ARHGAP35: variants seen among roughly 807,000 people sequenced by gnomAD.
The protein encoded by ARHGAP35 is Rho GTPase activating protein 35.
In ARHGAP35, 15 loss-of-function variants were observed where a neutral mutation model predicts 111.1. The observed-to-expected ratio is 0.13, with a 90% confidence interval of 0.09 to 0.21. ARHGAP35 has a LOEUF of 0.21. Among genes scored for constraint, ARHGAP35 ranks in the 10% least tolerant of loss-of-function variants. ARHGAP35 has a pLI of 1.00. For synonymous variants in ARHGAP35, 643 were observed against 710.3 expected (o/e 0.91, Z 1.51); for missense variants, 1,262 against 1,873.0 (o/e 0.67, Z 6.02).
At chr19:46,880,271 A>G (rs1019007153) in intron 1 of ARHGAP35, among the ~76,000 whole-genome samples, 3 of 151,660 alleles carry the variant, frequency 2.0e-5, no homozygotes, top group Non-Finnish European at 4.4e-5. Context: ...CCTCTCTACT[A>G]AAAATACAAA....
At chr19:46,863,529 C>G (rs188909828) in intron 1 of ARHGAP35, among the ~76,000 whole-genome samples, 3 of 152,220 alleles carry the variant, frequency 2.0e-5, no homozygotes, top group African/African-American at 7.2e-5. Context: ...GGGATTGCAG[C>G]TGCTCGCAGA....
intron 3 of ARHGAP35, among the ~76,000 whole-genome samples, chr19:46,943,956 C>T (rs1352704541): frequency 2.0e-5 from 3 of 152,070 alleles, no homozygotes; most frequent in Non-Finnish European, 2.9e-5. Context: ...ATTGATAAAT[C>T]GGGACTTGAA....
intron 1 of ARHGAP35, among the ~76,000 whole-genome samples, chr19:46,890,034 AG>A (rs1207852622): frequency 6.6e-6 from 1 of 152,202 alleles, no homozygotes; most frequent in Non-Finnish European, 1.5e-5. Context: ...TATTTTCTGC[AG>A]AGAGAGAATT....
At chr19:46,889,750 CAA>C (rs5828291) in intron 1 of ARHGAP35, among the ~76,000 whole-genome samples, 2 of 85,242 alleles carry the variant, frequency 2.3e-5, no homozygotes, top group Non-Finnish European at 2.2e-5. Flanking sequence ...GACTCCGTCT[CAA>C]AAAAAAAAAA....
intron 1 of ARHGAP35, among the ~76,000 whole-genome samples, chr19:46,894,644 C>T (rs1320017532): frequency 6.6e-6 from 1 of 151,996 alleles, no homozygotes; most frequent in Non-Finnish European, 1.5e-5. Context: ...TGGGATTTCA[C>T]CATGTTGACC....
intron 3 of ARHGAP35, among the ~76,000 whole-genome samples, chr19:46,987,088 AAAGTGCTGGGATTACAAGCATGAGCC>A (rs928024985): frequency 2.0e-5 from 3 of 151,960 alleles, no homozygotes; most frequent in Non-Finnish European, 4.4e-5. Context: ...TCGACCTCCC[AAAGTGCTGGGATTACAAGCATGAGCC>A]AAGTGCTGGG....
chr19:46,959,991 T>C (rs2056469247), intron 3 of ARHGAP35, among the ~76,000 whole-genome samples: 1 of 149,838 alleles, frequency 6.7e-6, no homozygotes, highest in East Asian at 2.0e-4. Flanking sequence ...ATGTCTATAG[T>C]CCCAGCTACT....
At chr19:46,915,543 T>G (rs910014283) in intron 1 of ARHGAP35, among the ~76,000 whole-genome samples, 1 of 152,194 alleles carries the variant, frequency 6.6e-6, no homozygotes, top group African/African-American at 2.4e-5. Context: ...CTGGTGTCAG[T>G]CAGAATAATG....
intron 3 of ARHGAP35, among the ~76,000 whole-genome samples, chr19:46,980,464 C>T (rs552202034): frequency 2.6e-5 from 4 of 152,262 alleles, no homozygotes; most frequent in African/African-American, 9.6e-5. Flanking sequence ...ATGAGGATTC[C>T]AAGCCCCTGA....
Position 46,874,501 on chromosome 19 carries a change from C to CTTTTTTTTT in ARHGAP35, c.-189+13304_-189+13312dup, listed in dbSNP as rs758783354. Among the ~76,000 whole-genome samples the CTTTTTTTTT allele has an allele frequency of 1.7e-5, 2 of 114,468 alleles. 1 individual carries two copies. The highest frequency in any genetic ancestry group is 3.5e-5 in the Non-Finnish European group (2 of 57,590). The allele number at this position is 114,468 out of a possible 152,430, so 75.1% of individuals were successfully genotyped here. ...TCCAAGCTCATGTTTTATGTTTTGT[C>CTTTTTTTTT]TTTTTTTTTTTTTTTTTTTTGAGTC... is the stretch of plus-strand genomic sequence containing the variant. On this transcript the variant is annotated intron_variant, in intron 1 of 6. Transcript: ENST00000672722.
chr19:46,889,708 G>T (rs1191087307), intron 1 of ARHGAP35, among the ~76,000 whole-genome samples: 2 of 126,486 alleles, frequency 1.6e-5, no homozygotes, highest in East Asian at 4.7e-4. Flanking sequence ...CCGAGATCCC[G>T]CCACTGCACT....
intron 1 of ARHGAP35, among the ~76,000 whole-genome samples, chr19:46,878,520 T>C (rs1239095928): frequency 6.6e-6 from 1 of 152,062 alleles, no homozygotes; most frequent in Non-Finnish European, 1.5e-5. Context: ...GGTTTCGCCA[T>C]GTTGGCCAGG....
At chr19:46,998,822 C>T (rs780415486) in intron 5 of ARHGAP35, among the ~76,000 whole-genome samples, 2 of 152,238 alleles carry the variant, frequency 1.3e-5, no homozygotes, top group African/African-American at 2.4e-5. Context: ...GATGTGTGGA[C>T]GGTCCCTGTG....
intron 1 of ARHGAP35, among the ~76,000 whole-genome samples, chr19:46,894,363 A>C (rs1241139036): frequency 6.6e-6 from 1 of 151,592 alleles, no homozygotes; most frequent in African/African-American, 2.4e-5. Context: ...TTTATGACTC[A>C]TTCCTTGGAG....
At chr19:46,892,123 TAAAAAA>T (rs1178888092) in intron 1 of ARHGAP35, among the ~76,000 whole-genome samples, 2 of 53,892 alleles carry the variant, frequency 3.7e-5, no homozygotes, top group African/African-American at 1.5e-4. Context: ...CTGTCTCTAC[TAAAAAA>T]AAAAAAAAAA....
rs181290980 is a variant in ARHGAP35 at position 46,881,040 on chromosome 19, G to T, written c.-189+19831G>T. Among the ~76,000 whole-genome samples, 225 of 151,718 alleles carry T rather than the reference G, an allele frequency of 1.5e-3. 2 individuals are homozygous for T. Among genetic ancestry groups the T allele is most frequent in the Non-Finnish European group, 2.8e-3 (188 of 67,918 alleles). ...GCTCACCACAATCTCCGCCTCCTGG[G>T]TTCAAGCAATTCTCCGGCCTCAGCC... On this transcript the variant is annotated intron_variant, in intron 1 of 6. Coordinates refer to ENST00000672722, the MANE Select transcript of ARHGAP35 (RefSeq NM_004491.5).
intron 1 of ARHGAP35, among the ~76,000 whole-genome samples, chr19:46,873,621 AG>A (rs1400584369): frequency 7.3e-6 from 1 of 137,306 alleles, no homozygotes; most frequent in African/African-American, 2.7e-5. Context: ...TGGCTGACAG[AG>A]CGAGACTCTT....
At chr19:46,985,365 G>A (rs1367474547) in intron 3 of ARHGAP35, among the ~76,000 whole-genome samples, 5 of 152,312 alleles carry the variant, frequency 3.3e-5, no homozygotes, top group East Asian at 3.9e-4. Context: ...TCTGAGAAAC[G>A]GGGGTGCTGT....
chr19:46,957,477 G>C (rs374895411), intron 3 of ARHGAP35, among the ~76,000 whole-genome samples: 36 of 152,220 alleles, frequency 2.4e-4, no homozygotes, highest in African/African-American at 8.4e-4. Flanking sequence ...GCCAGGCATG[G>C]TAGTATGTGC....
Sources: allele counts gnomAD v4.1 joint callset (sites outside exome capture counted in the v4.1 genomes callset), GRCh38; gene constraint gnomAD v4.1.1; transcripts MANE v1.5; gene names NCBI Gene and HGNC (gene_info 2026-07-23, HGNC 2026-07-21).